ROBO1: variants seen among roughly 807,000 people sequenced by gnomAD.
ROBO1 encodes roundabout homolog 1.
Under a neutral mutation model 195.9 loss-of-function variants are expected in ROBO1, and 149 were observed. The observed-to-expected ratio is 0.76, with a 90% CI of 0.67 to 0.87. The LOEUF is 0.87. ROBO1 is among the 40% of genes least tolerant of loss of function. ROBO1 has a pLI of 0.00. For missense variants in ROBO1, 1,933 were observed against 2,068.3 expected (o/e 0.93, Z 1.27); for synonymous variants, 816 against 733.2 (o/e 1.11, Z -1.82).
chr3:79,361,323 T>C (rs2035761090), intron 2 of ROBO1, among the ~76,000 whole-genome samples: 1 of 152,034 alleles, frequency 6.6e-6, no homozygotes, highest in South Asian at 2.1e-4. Flanking sequence ...TCAGATTGAA[T>C]CAAAAAGTAA....
chr3:79,625,256 T>A (rs1945131352), intron 1 of ROBO1, among the ~76,000 whole-genome samples: 1 of 150,936 alleles, frequency 6.6e-6, no homozygotes. Context: ...TAGAAAGATC[T>A]CAAATCAATA....
intron 22 of ROBO1, among the ~76,000 whole-genome samples, chr3:78,636,616 T>C (rs1705517112): frequency 6.6e-6 from 1 of 151,922 alleles, no homozygotes; most frequent in Non-Finnish European, 1.5e-5. Flanking sequence ...ATTTAAAAGA[T>C]ATGGGAACAG....
At chr3:79,055,451 T>C (rs1325423965) in intron 3 of ROBO1, among the ~76,000 whole-genome samples, 1 of 152,030 alleles carries the variant, frequency 6.6e-6, no homozygotes, top group Non-Finnish European at 1.5e-5. Flanking sequence ...TCCTCCTCAC[T>C]TAAACATCCT....
intron 2 of ROBO1, among the ~76,000 whole-genome samples, chr3:79,364,283 T>C (rs536258280): frequency 3.2e-4 from 48 of 149,586 alleles, no homozygotes; most frequent in South Asian, 1.5e-3. Flanking sequence ...TATATATATA[T>C]ACACACACAT....
intron 3 of ROBO1, among the ~76,000 whole-genome samples, chr3:78,986,913 T>C (rs2077119205): frequency 6.6e-6 from 1 of 152,182 alleles, no homozygotes; most frequent in South Asian, 2.1e-4. Context: ...AGGGCTGAGA[T>C]CACCAATGCA....
At chr3:79,101,589 G>A (rs150809242) in intron 3 of ROBO1, among the ~76,000 whole-genome samples, 11 of 151,754 alleles carry the variant, frequency 7.2e-5, no homozygotes, top group South Asian at 2.1e-4. Flanking sequence ...CATCCTCACC[G>A]TTTTCTTTGG....
intron 29 of ROBO1, among the ~76,000 whole-genome samples, chr3:78,602,925 TC>T (rs1445912011): frequency 6.6e-6 from 1 of 152,194 alleles, no homozygotes; most frequent in African/African-American, 2.4e-5. Context: ...TATTATAGAT[TC>T]TTCCCTTTCA....
At chr3:78,661,947 T>TCGCAGA in intron 15 of ROBO1, 46 bp downstream of exon 15, 1 of 1,584,988 alleles carries the variant, frequency 6.3e-7, no homozygotes, top group East Asian at 2.3e-5. Flanking sequence ...TGCAATGATC[T>TCGCAGA]CGCAGACGCT....
intron 2 of ROBO1, among the ~76,000 whole-genome samples, chr3:79,411,433 A>C (rs1297333391): frequency 1.2e-4 from 18 of 151,874 alleles, no homozygotes; most frequent in Non-Finnish European, 2.9e-5. Flanking sequence ...ATCAACCACC[A>C]ATTGTAAAGT....
At chr3:79,511,714 T>C (rs1575944934) in intron 2 of ROBO1, among the ~76,000 whole-genome samples, 1 of 152,084 alleles carries the variant, frequency 6.6e-6, no homozygotes, top group Non-Finnish European at 1.5e-5. Context: ...ATACTGTACA[T>C]AAACACCATG....
intron 2 of ROBO1, among the ~76,000 whole-genome samples, chr3:79,370,514 A>C (rs1577032143): frequency 6.6e-6 from 1 of 152,166 alleles, no homozygotes; most frequent in South Asian, 2.1e-4. Flanking sequence ...CAGTAGGCTC[A>C]ATGACCAGCC....
intron 2 of ROBO1, among the ~76,000 whole-genome samples, chr3:79,390,867 T>C (rs529066593): frequency 6.6e-6 from 1 of 152,038 alleles, no homozygotes; most frequent in Admixed American, 6.6e-5. Flanking sequence ...AGGGAATGAA[T>C]GAGAGCACGG....
At chr3:78,959,231 A>G (rs990352769) in intron 3 of ROBO1, among the ~76,000 whole-genome samples, 1 of 152,246 alleles carries the variant, frequency 6.6e-6, no homozygotes. Flanking sequence ...GTTTTAAAAC[A>G]AAGAATGCAT....
At chr3:78,978,764 C>T (rs530090556) in intron 3 of ROBO1, among the ~76,000 whole-genome samples, 2 of 152,226 alleles carry the variant, frequency 1.3e-5, no homozygotes, top group East Asian at 1.9e-4. Flanking sequence ...TAGATCTTCG[C>T]TCTCAATAAT....
At chr3:79,358,202 T>C (rs1325925917) in intron 2 of ROBO1, among the ~76,000 whole-genome samples, 1 of 152,100 alleles carries the variant, frequency 6.6e-6, no homozygotes, top group Non-Finnish European at 1.5e-5. Flanking sequence ...TATAGGGATG[T>C]TACAATAATT....
Position 79,569,525 on chromosome 3 carries a change from T to C in ROBO1, c.88+20299A>G, listed in dbSNP as rs75710424. On this transcript the variant is annotated intron_variant, in intron 2 of 30. Transcript: ENST00000464233. The stretch of plus-strand genomic sequence containing the variant: ...CAATGTTTTCATGTATATTATTTTG[T>C]CCAACACTGAACACATTAATAGGTC... Among the ~76,000 whole-genome samples, 4 of 152,240 alleles carry C rather than the reference T, an allele frequency of 2.6e-5. No homozygotes were observed. In the East Asian group the frequency reaches 7.7e-4, roughly 29 times the overall value.
intron 4 of ROBO1, among the ~76,000 whole-genome samples, chr3:78,906,118 C>T (rs1479840442): frequency 6.6e-6 from 1 of 151,860 alleles, no homozygotes; most frequent in Non-Finnish European, 1.5e-5. Context: ...TTTCAGAATC[C>T]TACGATTTTT....
At position 78,844,987 on chromosome 3, in the gene ROBO1, T is replaced by A. The variant is rs569971209; in HGVS notation, c.499+93614A>T. ...GTAATTATGTTAAATTAAAGATCAC[T>A]CTGATATCAACTTTAGTCTTGTAGA... On this transcript the variant is annotated intron_variant, in intron 4 of 30. Coordinates refer to ENST00000464233, the MANE Select transcript of ROBO1 (RefSeq NM_002941.4). 1.2e-4 allele frequency among the ~76,000 whole-genome samples: 19 copies of A among 152,218 alleles called. No individual in the cohort carries two copies. The East Asian group carries it at 3.7e-3, about 29-fold the overall frequency.
Position 79,596,621 on chromosome 3 carries a change from T to C in ROBO1, c.-50-6660A>G, listed in dbSNP as rs80225045. On this transcript the variant is annotated intron_variant, in intron 1 of 30. Transcript: ENST00000464233. ...TATTAATTATTATTAGGAAAATAAG[T>C]CATAATATATTATCTTTCACATGAG... 4.2e-3 allele frequency among the ~76,000 whole-genome samples: 638 copies of C among 152,208 alleles called. 3 individuals are homozygous for C. Among genetic ancestry groups the C allele is most frequent in the Non-Finnish European group, 7.9e-3 (538 of 67,968 alleles).
Sources: gnomAD v4.1 joint callset for allele counts (sites outside exome capture counted in the v4.1 genomes callset) on GRCh38, gnomAD v4.1.1 for gene constraint, MANE v1.5 for transcripts, NCBI Gene and HGNC (gene_info 2026-07-23, HGNC 2026-07-21) for gene names.